Variants in STK32B observed in about 807,000 individuals in gnomAD.
The protein encoded by STK32B is serine/threonine-protein kinase 32B.
In STK32B, 43 loss-of-function variants were observed where a neutral mutation model predicts 52.6. The ratio of observed to expected loss-of-function variants is 0.82; its 90% confidence interval spans 0.64 to 1.05. The LOEUF is 1.05. STK32B is among the 50% of genes least tolerant of loss of function. The pLI is 0.00. For synonymous variants in STK32B, 238 were observed against 204.3 expected (o/e 1.17, Z -1.41); for missense variants, 621 against 534.6 (o/e 1.16, Z -1.59).
intron 3 of STK32B, among the ~76,000 whole-genome samples, chr4:5,274,658 T>A (rs1008198291): frequency 6.6e-6 from 1 of 152,204 alleles, no homozygotes; most frequent in Admixed American, 6.5e-5. Context: ...AACCCCGGCA[T>A]TGGAGCTGGC....
chr4:5,227,921 G>A (rs1419264524), intron 3 of STK32B, among the ~76,000 whole-genome samples: 1 of 152,158 alleles, frequency 6.6e-6, no homozygotes, highest in Non-Finnish European at 1.5e-5. Context: ...TTTGTGCAAA[G>A]GAGCCAGCAG....
At chr4:5,179,526 T>C (rs1720193833) in intron 3 of STK32B, among the ~76,000 whole-genome samples, 1 of 152,180 alleles carries the variant, frequency 6.6e-6, no homozygotes. Flanking sequence ...AGATAGATGA[T>C]ACATAAATGA....
At chr4:5,060,954 G>T (rs1742195071) in intron 1 of STK32B, among the ~76,000 whole-genome samples, 1 of 152,110 alleles carries the variant, frequency 6.6e-6, no homozygotes, top group Non-Finnish European at 1.5e-5. Context: ...TTCCCTTTCA[G>T]AAACTTGATG....
At chr4:5,416,652 A>G (rs1166083960) in intron 5 of STK32B, among the ~76,000 whole-genome samples, 193 bp from the exon 6 acceptor site, 1 of 152,242 alleles carries the variant, frequency 6.6e-6, no homozygotes, top group Non-Finnish European at 1.5e-5. Context: ...AATAATATGC[A>G]TAAGTTACCA....
intron 1 of STK32B, among the ~76,000 whole-genome samples, chr4:5,077,041 T>C (rs1189649923): frequency 6.6e-6 from 1 of 152,180 alleles, no homozygotes; most frequent in Non-Finnish European, 1.5e-5. Context: ...GATGCTTTTA[T>C]GTGGAGGACT....
intron 11 of STK32B, among the ~76,000 whole-genome samples, chr4:5,476,520 G>A (rs1026734393): frequency 6.6e-6 from 1 of 151,648 alleles, no homozygotes; most frequent in Non-Finnish European, 1.5e-5. Flanking sequence ...CCTTAAAGTT[G>A]ATTTCCACTG....
intron 1 of STK32B, among the ~76,000 whole-genome samples, chr4:5,110,590 C>A (rs1021089742): frequency 1.3e-5 from 2 of 152,042 alleles, no homozygotes; most frequent in African/African-American, 4.8e-5. Context: ...CTATCTCTTA[C>A]CATATACAAA....
At chr4:5,164,365 CCTTCT>C (rs1343337806) in intron 2 of STK32B, among the ~76,000 whole-genome samples, 3 of 152,126 alleles carry the variant, frequency 2.0e-5, no homozygotes, top group African/African-American at 4.8e-5. Context: ...TGTCTCCTCC[CCTTCT>C]CTTCTCTTCT....
chr4:5,324,707 C>T (rs2108944449), intron 3 of STK32B, among the ~76,000 whole-genome samples: 1 of 152,314 alleles, frequency 6.6e-6, no homozygotes, highest in Non-Finnish European at 1.5e-5. Flanking sequence ...CAAAACTGCT[C>T]TGGGTTTGGG....
chr4:5,329,388 A>G (rs1732082457), intron 3 of STK32B, among the ~76,000 whole-genome samples: 1 of 152,058 alleles, frequency 6.6e-6, no homozygotes, highest in African/African-American at 2.4e-5. Context: ...CTGCGCCATG[A>G]TCCAGCCTCC....
At chr4:5,233,807 G>T (rs941719933) in intron 3 of STK32B, among the ~76,000 whole-genome samples, 5 of 151,752 alleles carry the variant, frequency 3.3e-5, no homozygotes, top group African/African-American at 1.2e-4. Flanking sequence ...ACAACATGGA[G>T]GTTGGCAAGT....
At chr4:5,234,512 A>G (rs1186088870) in intron 3 of STK32B, among the ~76,000 whole-genome samples, 2 of 69,550 alleles carry the variant, frequency 2.9e-5, no homozygotes, top group Non-Finnish European at 8.1e-5. Context: ...AAAGGGCTCA[A>G]TAAAAAATAT....
intron 3 of STK32B, among the ~76,000 whole-genome samples, chr4:5,205,744 GT>G (rs1722535486): frequency 6.6e-6 from 1 of 151,356 alleles, no homozygotes; most frequent in African/African-American, 2.4e-5. Flanking sequence ...ATTTAGGATT[GT>G]TTGAACTGTG....
At chr4:5,385,386 C>G (rs1300399896) in intron 4 of STK32B, among the ~76,000 whole-genome samples, 2 of 149,226 alleles carry the variant, frequency 1.3e-5, no homozygotes, top group South Asian at 4.2e-4. Flanking sequence ...GCCCCGTGCC[C>G]ATGTAAAGGG....
chr4:5,262,807 T>TA (rs1480692124), intron 3 of STK32B, among the ~76,000 whole-genome samples: 1 of 152,210 alleles, frequency 6.6e-6, no homozygotes, highest in Non-Finnish European at 1.5e-5. Flanking sequence ...TTGCAGAGCT[T>TA]ATCTCTGAGT....
At chr4:5,348,921 T>G (rs1262741500) in intron 4 of STK32B, among the ~76,000 whole-genome samples, 1 of 152,094 alleles carries the variant, frequency 6.6e-6, no homozygotes, top group African/African-American at 2.4e-5. Context: ...TCAGGCCCAG[T>G]CAGCCTGCCA....
At chr4:5,054,168 A>G (rs891510315) in intron 1 of STK32B, among the ~76,000 whole-genome samples, 1 of 151,946 alleles carries the variant, frequency 6.6e-6, no homozygotes, top group African/African-American at 2.4e-5. Flanking sequence ...GGCATTTACT[A>G]TTTGTATTTT....
chr4:5,379,224 G>A (rs547248794), intron 4 of STK32B, among the ~76,000 whole-genome samples: 13 of 152,196 alleles, frequency 8.5e-5, no homozygotes, highest in African/African-American at 2.6e-4. Flanking sequence ...CCGTGGCATC[G>A]GCCTTTGTGC....
intron 4 of STK32B, among the ~76,000 whole-genome samples, chr4:5,346,543 G>A (rs1049781200): frequency 6.6e-6 from 1 of 152,162 alleles, no homozygotes; most frequent in African/African-American, 2.4e-5. Flanking sequence ...TTGATGCAGG[G>A]AGGGATTGGG....
Sources: gnomAD v4.1 joint callset for allele counts (sites outside exome capture counted in the v4.1 genomes callset) on GRCh38, gnomAD v4.1.1 for gene constraint, MANE v1.5 for transcripts, NCBI Gene and HGNC (gene_info 2026-07-23, HGNC 2026-07-21) for gene names.